Variants in GPC5 observed in about 807,000 individuals in gnomAD.
The protein encoded by GPC5 is glypican-5.
In GPC5, 47 loss-of-function variants were observed where a neutral mutation model predicts 53.9. That is an observed-to-expected ratio of 0.87 (90% confidence interval 0.69 to 1.11). The LOEUF (loss-of-function observed/expected upper bound fraction) is 1.11. Ranked by LOEUF, GPC5 falls within the 50% of genes most tolerant of loss-of-function variation. The probability of loss-of-function intolerance (pLI) is 0.00; values close to 1 mark genes in which losing one functional copy is unlikely to be tolerated. For synonymous variants in GPC5, 286 were observed against 263.3 expected, an observed-to-expected ratio of 1.09 and a Z score of -0.84; for missense variants, 748 against 713.1, an observed-to-expected ratio of 1.05 and a Z score of -0.56.
chr13:91,690,015 C>T (rs507692), intron 2 of GPC5, among the ~76,000 whole-genome samples: 8,699 of 152,088 alleles, frequency 0.057, 322 homozygotes, highest in Middle Eastern at 0.15. Context: ...TTTGTTTATA[C>T]CAGCATCACC....
chr13:92,149,876 A>AT lies in GPC5; in HGVS notation c.1561+4894dup, dbSNP rs893638233. ...TATAAAATGTTATGTAGTCTCATTG[A>AT]TTTTTTTCCTATCAATATGAGTTCA... is the stretch of plus-strand genomic sequence containing the variant. On this transcript the variant is annotated intron_variant, in intron 7 of 7. Transcript: ENST00000377067. Among the ~76,000 whole-genome samples, 3 of 151,994 alleles carry AT rather than the reference A, an allele frequency of 2.0e-5. No homozygotes were observed. In the South Asian group the frequency reaches 6.2e-4, roughly 32 times the overall value.
chr13:92,135,744 AC>A (rs1316064340), intron 6 of GPC5, among the ~76,000 whole-genome samples: 1 of 152,224 alleles, frequency 6.6e-6, no homozygotes, highest in Admixed American at 6.5e-5. Context: ...CTTTCAAATT[AC>A]TGGCACAACA....
At chr13:92,279,110 G>A (rs557332836) in intron 7 of GPC5, among the ~76,000 whole-genome samples, 6 of 152,078 alleles carry the variant, frequency 3.9e-5, no homozygotes, top group Non-Finnish European at 5.9e-5. Flanking sequence ...GATTACTTTG[G>A]AAAGTTTTGT....
At chr13:92,573,456 C>A in intron 7 of GPC5, among the ~76,000 whole-genome samples, 1 of 152,248 alleles carries the variant, frequency 6.6e-6, no homozygotes, top group South Asian at 2.1e-4. Context: ...TTCAATTATA[C>A]AATGTTTTTC....
chr13:91,723,391 G>C (rs188400091), intron 3 of GPC5, among the ~76,000 whole-genome samples: 30 of 149,990 alleles, frequency 2.0e-4, no homozygotes, highest in African/African-American at 7.3e-4. Context: ...CATTAACTTG[G>C]TTTTGATCTC....
At chr13:91,546,911 G>A (rs1038964642) in intron 2 of GPC5, among the ~76,000 whole-genome samples, 9 of 152,038 alleles carry the variant, frequency 5.9e-5, no homozygotes, top group African/African-American at 1.2e-4. Context: ...TTTTCTAGTC[G>A]TAGCAGCAGT....
intron 7 of GPC5, among the ~76,000 whole-genome samples, chr13:92,175,501 T>G (rs1012894954): frequency 3.9e-4 from 60 of 152,196 alleles, no homozygotes; most frequent in Admixed American, 1.5e-3. Flanking sequence ...ACTGCTGTAG[T>G]CCAGCTATCT....
intron 2 of GPC5, among the ~76,000 whole-genome samples, chr13:91,586,977 T>G (rs1437497993): frequency 6.6e-6 from 1 of 152,124 alleles, no homozygotes; most frequent in Non-Finnish European, 1.5e-5. Flanking sequence ...ACATTTCTTG[T>G]ATTAACAAAA....
At chr13:92,463,453 C>A (rs1878572175) in intron 7 of GPC5, among the ~76,000 whole-genome samples, 1 of 152,170 alleles carries the variant, frequency 6.6e-6, no homozygotes, top group Non-Finnish European at 1.5e-5. Flanking sequence ...TTTCTCAGAT[C>A]TCTCCCATTT....
At chr13:92,329,345 A>G (rs2139233540) in intron 7 of GPC5, among the ~76,000 whole-genome samples, 1 of 152,214 alleles carries the variant, frequency 6.6e-6, no homozygotes, top group African/African-American at 2.4e-5. Flanking sequence ...CAGGAACAAG[A>G]AGGAGAGAGG....
chr13:92,584,130 A>G (rs1039562654), intron 7 of GPC5, among the ~76,000 whole-genome samples: 1 of 152,168 alleles, frequency 6.6e-6, no homozygotes, highest in Non-Finnish European at 1.5e-5. Context: ...TGAAAAAAAT[A>G]CTCCAAAATA....
At chr13:92,078,711 T>C (rs2041271775) in intron 6 of GPC5, among the ~76,000 whole-genome samples, 1 of 152,184 alleles carries the variant, frequency 6.6e-6, no homozygotes, top group Non-Finnish European at 1.5e-5. Context: ...ACTGCTTCTC[T>C]CCTTTAAGAA....
At chr13:92,293,966 T>C (rs1408977703) in intron 7 of GPC5, among the ~76,000 whole-genome samples, 1 of 152,204 alleles carries the variant, frequency 6.6e-6, no homozygotes, top group East Asian at 1.9e-4. Context: ...TTTTTTGTTT[T>C]TAATTCTGTT....
At chr13:91,933,333 C>T (rs1314168342) in intron 6 of GPC5, among the ~76,000 whole-genome samples, 1 of 151,764 alleles carries the variant, frequency 6.6e-6, no homozygotes, top group Non-Finnish European at 1.5e-5. Flanking sequence ...AGTTTTTGTT[C>T]TTTGGAAAAA....
At chr13:91,874,644 A>C (rs2138937564) in intron 5 of GPC5, among the ~76,000 whole-genome samples, 1 of 152,332 alleles carries the variant, frequency 6.6e-6, no homozygotes. Flanking sequence ...GTGTATCTTA[A>C]GCCATGGAGA....
At chr13:92,374,105 G>C (rs16947500) in intron 7 of GPC5, among the ~76,000 whole-genome samples, 4,082 of 152,070 alleles carry the variant, frequency 0.027, 186 homozygotes, top group African/African-American at 0.094. Context: ...CTATAGAATC[G>C]AACTTGATAA....
intron 6 of GPC5, among the ~76,000 whole-genome samples, chr13:92,042,910 C>A (rs1468124104): frequency 6.6e-6 from 1 of 152,018 alleles, no homozygotes; most frequent in Non-Finnish European, 1.5e-5. Context: ...TATTTGTAAA[C>A]AATACAAATT....
intron 6 of GPC5, among the ~76,000 whole-genome samples, chr13:92,093,824 T>G (rs1232905835): frequency 6.6e-6 from 1 of 152,200 alleles, no homozygotes; most frequent in Non-Finnish European, 1.5e-5. Flanking sequence ...GTAAAACATG[T>G]TTAAAAGATT....
rs193103225 is a variant in GPC5, at chr13:92,769,089, A to G, written c.1562-97193A>G. Among the ~76,000 whole-genome samples the G allele has an allele frequency of 4.6e-5, 7 of 152,332 alleles. No homozygotes were observed. In the East Asian group the frequency reaches 5.8e-4, roughly 13 times the overall value. On this transcript the variant is annotated intron_variant, in intron 7 of 7. Coordinates refer to ENST00000377067, the MANE Select transcript of GPC5 (RefSeq NM_004466.6). ...AAATGGATTGTAATTAATACTAACA[A>G]TGTAATGAAACTAATATCACTCAAG...
Sources: allele counts gnomAD v4.1 joint callset (sites outside exome capture counted in the v4.1 genomes callset), GRCh38; gene constraint gnomAD v4.1.1; transcripts MANE v1.5; gene names NCBI Gene and HGNC (gene_info 2026-07-23, HGNC 2026-07-21).